Variants in SLC1A4 observed in about 807,000 individuals in gnomAD.
The protein encoded by SLC1A4 is neutral amino acid transporter A.
SLC1A4 carries 19 observed loss-of-function variants against 37.7 expected under a neutral mutation model. The ratio of observed to expected loss-of-function variants is 0.50; its 90% confidence interval spans 0.35 to 0.74. The LOEUF is 0.74. SLC1A4 is among the 30% of genes least tolerant of loss of function. SLC1A4 has a pLI of 0.01. For missense variants in SLC1A4, 570 were observed against 712.9 expected, an observed-to-expected ratio of 0.80 and a Z score of 2.28; for synonymous variants, 299 against 309.8, an observed-to-expected ratio of 0.97 and a Z score of 0.37.
Position 64,989,788 on chromosome 2 carries a change from G to T in SLC1A4, c.145G>T (p.Val49Leu), listed in dbSNP as rs1300045222. 4.0e-6 allele frequency: 6 copies of T among 1,506,458 alleles called. No individual in the cohort carries two copies. The Admixed American group carries it at 1.1e-4, about 28-fold the overall frequency. The allele number at this position is 1,506,458 out of a possible 1,614,324, so 93.3% of individuals were successfully genotyped here. A position where few individuals can be genotyped will look rare whatever the true frequency, so the allele number is the denominator to read the frequency against. Residue 49 changes from valine (V) to leucine (L), a missense_variant, in exon 1 of 8, where the codon GTG becomes TTG. By Grantham distance (32) the Val-to-Leu change is conservative. Transcript: ENST00000234256. Reference protein sequence around the residue: ...LRRQALVLLTVSGVLAGAGLG... With the variant: ...LRRQALVLLTLSGVLAGAGLG... Reference sequence around the variant, plus strand: ...GCGCCAAGCGCTGGTGCTGCTCACCGTGTCCGGGGTGCTGGCGGGCGCGGG... The same window carrying T: ...GCGCCAAGCGCTGGTGCTGCTCACCTTGTCCGGGGTGCTGGCGGGCGCGGG...
intron 2 of SLC1A4, 118 bp downstream of exon 2, chr2:65,001,608 A>G: frequency 1.2e-6 from 1 of 826,002 alleles, no homozygotes; most frequent in Non-Finnish European, 2.0e-6. Flanking sequence ...AAAACTTGGT[A>G]AGATTGGCCT....
At chr2:65,019,455 G>C (rs921261671) in intron 7 of SLC1A4, among the ~76,000 whole-genome samples, 14 of 152,128 alleles carry the variant, frequency 9.2e-5, no homozygotes, top group African/African-American at 3.4e-4. Context: ...CCCACACCAG[G>C]GTTGTGGGGA....
At chr2:65,004,093 C>A in intron 3 of SLC1A4, 78 bp downstream of exon 3, 1 of 1,272,064 alleles carries the variant, frequency 7.9e-7, no homozygotes, top group Non-Finnish European at 1.1e-6. Context: ...GCATACAGGA[C>A]GTGGGCTGAA....
At chr2:65,003,904 G>C (rs781189742) in intron 2 of SLC1A4, 49 bp from the exon 3 acceptor site, 1 of 1,482,938 alleles carries the variant, frequency 6.7e-7, no homozygotes, top group East Asian at 2.3e-5. Context: ...CTCTAGGTCG[G>C]TCTTCACCTG....
rs919739076 is a variant in SLC1A4, at chr2:65,018,994, T to C, written c.1364+315T>C. ...GGGACACGAGGGTCTATGGAGTTGC[T>C]GACTGCATAGGAGTAATAAGTCGAT... is the stretch of plus-strand genomic sequence containing the variant. On this transcript the variant is annotated intron_variant, in intron 7 of 7. Coordinates refer to ENST00000234256, the MANE Select transcript of SLC1A4 (RefSeq NM_003038.5). This position sits in a 1 kb window ranked among gnomAD's most constrained non-coding sequence, Gnocchi z 4.3. Among the ~76,000 whole-genome samples, 1 of 152,214 alleles carries C rather than the reference T, an allele frequency of 6.6e-6. No homozygotes were observed. Among genetic ancestry groups the C allele is most frequent in the Non-Finnish European group, 1.5e-5 (1 of 68,042 alleles).
chr2:65,010,016 C>G (rs945247942), intron 3 of SLC1A4, among the ~76,000 whole-genome samples: 5 of 151,996 alleles, frequency 3.3e-5, no homozygotes, highest in Admixed American at 1.3e-4. Flanking sequence ...ACTGCAACCT[C>G]TGCCTCCTGG....
At chr2:64,997,485 G>A (rs1198062341) in intron 1 of SLC1A4, among the ~76,000 whole-genome samples, 17 of 152,016 alleles carry the variant, frequency 1.1e-4, no homozygotes, top group Admixed American at 1.1e-3. Flanking sequence ...CTCCACCCCT[G>A]GCCTCAGGCA....
intron 4 of SLC1A4, among the ~76,000 whole-genome samples, chr2:65,012,299 C>T (rs1414101629): frequency 1.3e-5 from 2 of 151,842 alleles, no homozygotes; most frequent in Non-Finnish European, 2.9e-5. Context: ...CCGTGTTAGC[C>T]ACGATGGTCT....
chr2:65,004,277 G>C (rs1391298514), intron 3 of SLC1A4, among the ~76,000 whole-genome samples: 1 of 152,108 alleles, frequency 6.6e-6, no homozygotes, highest in Non-Finnish European at 1.5e-5. Context: ...GTTTGAAACA[G>C]GGTCTCGCTC....
At chr2:64,988,806 C>T (rs1672904997), upstream of SLC1A4, among the ~76,000 whole-genome samples, 1 of 152,192 alleles carries the variant, frequency 6.6e-6, no homozygotes, top group Non-Finnish European at 1.5e-5. Context: ...GCAGGACCGC[C>T]CCGGGCCCCC....
At chr2:64,993,649 G>A (rs1673142641) in intron 1 of SLC1A4, among the ~76,000 whole-genome samples, 2 of 152,140 alleles carry the variant, frequency 1.3e-5, no homozygotes, top group Non-Finnish European at 2.9e-5. Context: ...GAAATGGTTG[G>A]GCACCAAAGA....
intron 1 of SLC1A4, among the ~76,000 whole-genome samples, chr2:64,998,240 AAAAT>A (rs70937393): frequency 0.75 from 109,700 of 145,450 alleles, 41,670 homozygotes; most frequent in East Asian, 0.91. Flanking sequence ...CCGTCTCAGA[AAAAT>A]AAATAAATAA....
In SLC1A4 at chr2:64,989,919, G is replaced by T; in HGVS notation, c.276G>T (p.Pro92=). 1.3e-6 allele frequency: 2 copies of T among 1,562,146 alleles called. No individual in the cohort carries two copies. Among genetic ancestry groups the T allele is most frequent in the African/African-American group, 1.4e-5 (1 of 73,946 alleles). The change falls in exon 1 of 8, where the codon CCG becomes CCT. Residue 92 remains proline, a synonymous_variant. Coordinates refer to ENST00000234256, the MANE Select transcript of SLC1A4 (RefSeq NM_003038.5). ...GCATGCTGCGCATGATCATCCTGCC[G>T]CTGGTGGTCTGCAGCCTGGTGTCGG... The part of the protein sequence containing the change: ...LLRMLRMIIL[P]LVVCSLVSGA...
At chr2:65,010,562 G>A in intron 3 of SLC1A4, 35 bp from the exon 4 acceptor site, 4 of 1,554,224 alleles carry the variant, frequency 2.6e-6, no homozygotes, top group Non-Finnish European at 3.5e-6. Flanking sequence ...TCACTCATCT[G>A]TTGTAAACTT....
chr2:65,011,886 A>C (rs1673934975), intron 4 of SLC1A4, among the ~76,000 whole-genome samples: 1 of 152,030 alleles, frequency 6.6e-6, no homozygotes, highest in Non-Finnish European at 1.5e-5. Context: ...CTCCTGCCTC[A>C]GCCTCCCGAG....
At chr2:64,995,569 G>A (rs1673224458) in intron 1 of SLC1A4, among the ~76,000 whole-genome samples, 1 of 152,164 alleles carries the variant, frequency 6.6e-6, no homozygotes, top group African/African-American at 2.4e-5. Flanking sequence ...CAGAGTGCAA[G>A]TCCACCAGCC....
At chr2:65,019,107 T>C (rs528712780) in intron 7 of SLC1A4, among the ~76,000 whole-genome samples, 11 of 152,286 alleles carry the variant, frequency 7.2e-5, no homozygotes, top group Non-Finnish European at 2.9e-5. Flanking sequence ...TGAACCATGC[T>C]GATGTGAGTG....
At position 65,023,442 on chromosome 2, in the gene SLC1A4, A is replaced by C. The variant is rs1022162282; in HGVS notation, c.*2296A>C. 2.0e-5 allele frequency: 3 copies of C among 152,246 alleles called. No individual in the cohort carries two copies. The highest frequency in any genetic ancestry group is 7.2e-5 in the African/African-American group (3 of 41,460). The allele number at this position is 152,246 out of a possible 1,614,324, so 9.4% of individuals were successfully genotyped here. On this transcript the variant is annotated 3_prime_UTR_variant, in exon 8 of 8. Coordinates refer to ENST00000234256, the MANE Select transcript of SLC1A4 (RefSeq NM_003038.5). ...TAACTACAAGTTGTATGTCTGTGGTATCTTGATTTTCCCATTTCTAAAGAT... is the reference window on the plus strand; with the variant it reads ...TAACTACAAGTTGTATGTCTGTGGTCTCTTGATTTTCCCATTTCTAAAGAT...
intron 4 of SLC1A4, among the ~76,000 whole-genome samples, chr2:65,013,412 G>C (rs756707159): frequency 1.3e-5 from 2 of 152,150 alleles, no homozygotes; most frequent in African/African-American, 2.4e-5. Flanking sequence ...AGTAGAGACA[G>C]GGTTTCTCCA....
Sources: allele counts gnomAD v4.1 joint callset (sites outside exome capture counted in the v4.1 genomes callset), GRCh38; gene constraint gnomAD v4.1.1; non-coding constraint Gnocchi (gnomAD v3.1); transcripts MANE v1.5; gene names NCBI Gene and HGNC (gene_info 2026-07-23, HGNC 2026-07-21).